The following SUGCT variants were observed in gnomAD, a reference collection of about 807,000 sequenced individuals.
SUGCT encodes the protein succinyl-CoA:glutarate CoA-transferase.
In SUGCT, 41 loss-of-function variants were observed where a neutral mutation model predicts 55.0. The ratio of observed to expected loss-of-function variants is 0.74; its 90% confidence interval spans 0.58 to 0.97. The LOEUF is 0.97. Ranked by LOEUF, SUGCT falls within the 50% of genes least tolerant of loss-of-function variation. The probability of loss-of-function intolerance (pLI) is 0.00; values close to 1 mark genes in which losing one functional copy is unlikely to be tolerated. For synonymous variants in SUGCT, 187 were observed against 200.4 expected (o/e 0.93, Z 0.56); for missense variants, 568 against 547.8 (o/e 1.04, Z -0.37).
At chr7:40,788,012 T>C (rs1790117878) in intron 13 of SUGCT, among the ~76,000 whole-genome samples, 1 of 152,114 alleles carries the variant, frequency 6.6e-6, no homozygotes, top group African/African-American at 2.4e-5. Flanking sequence ...ACTGTTATCT[T>C]CCAGCAGTAA....
At chr7:40,508,283 G>A (rs1792720580) in intron 12 of SUGCT, among the ~76,000 whole-genome samples, 1 of 152,134 alleles carries the variant, frequency 6.6e-6, no homozygotes, top group African/African-American at 2.4e-5. Context: ...CAAGAACCCC[G>A]GTGCCTTGGC....
At chr7:40,553,609 G>A (rs1252672797) in intron 12 of SUGCT, among the ~76,000 whole-genome samples, 2 of 152,004 alleles carry the variant, frequency 1.3e-5, no homozygotes, top group African/African-American at 4.8e-5. Context: ...CCCTCTACAC[G>A]TAGACTGATA....
the SUGCT span, among the ~76,000 whole-genome samples, chr7:40,944,690 G>A: frequency 6.6e-6 from 1 of 152,208 alleles, no homozygotes; most frequent in Admixed American, 6.5e-5. Context: ...ATAGTTTGAA[G>A]TCGGGTAGCG....
the SUGCT span, among the ~76,000 whole-genome samples, chr7:40,922,508 C>G: frequency 6.6e-6 from 1 of 152,282 alleles, no homozygotes. Context: ...GCCAAGGAGA[C>G]AGAGACAGCA....
chr7:40,722,334 C>A (rs141242724), intron 12 of SUGCT, among the ~76,000 whole-genome samples: 1 of 152,140 alleles, frequency 6.6e-6, no homozygotes, highest in Non-Finnish European at 1.5e-5. Context: ...AGTCTCTTGG[C>A]AGAGTCATAT....
chr7:40,754,157 T>G (rs1788145919), intron 13 of SUGCT, among the ~76,000 whole-genome samples: 2 of 152,178 alleles, frequency 1.3e-5, no homozygotes, highest in South Asian at 4.1e-4. Flanking sequence ...ATTAAAGTAC[T>G]CCCTCATCTG....
At chr7:40,292,538 C>T (rs1440093436) in intron 8 of SUGCT, among the ~76,000 whole-genome samples, 1 of 152,102 alleles carries the variant, frequency 6.6e-6, no homozygotes, top group Non-Finnish European at 1.5e-5. Context: ...GATTTCCTTT[C>T]CACCAGACAG....
intron 12 of SUGCT, among the ~76,000 whole-genome samples, chr7:40,575,230 T>C (rs1268267215): frequency 1.3e-5 from 2 of 152,156 alleles, no homozygotes; most frequent in Admixed American, 6.5e-5. Flanking sequence ...TAAAGTGTTA[T>C]ACTTTTTAAA....
intron 12 of SUGCT, among the ~76,000 whole-genome samples, chr7:40,561,720 C>A (rs1795848762): frequency 8.5e-6 from 1 of 117,292 alleles, no homozygotes; most frequent in Non-Finnish European, 1.6e-5. Flanking sequence ...GAGATGGAGT[C>A]TCGTTCTGTT....
At chr7:40,203,542 A>C (rs751544582) in intron 6 of SUGCT, among the ~76,000 whole-genome samples, 4 of 152,174 alleles carry the variant, frequency 2.6e-5, no homozygotes, top group African/African-American at 4.8e-5. Context: ...TGGGAGGCCG[A>C]AGTGGGTAGA....
the SUGCT span, among the ~76,000 whole-genome samples, chr7:41,032,564 C>T: frequency 1.4e-4 from 22 of 152,112 alleles, no homozygotes; most frequent in Non-Finnish European, 2.2e-4. Flanking sequence ...ACCAGAAAGA[C>T]GGAAAGAGCC....
chr7:40,803,966 T>C (rs1455263678), intron 13 of SUGCT, among the ~76,000 whole-genome samples: 2 of 152,196 alleles, frequency 1.3e-5, no homozygotes, highest in African/African-American at 4.8e-5. Flanking sequence ...TCTAGAAAGA[T>C]CAACTTCAAA....
intron 12 of SUGCT, among the ~76,000 whole-genome samples, chr7:40,715,962 C>T (rs1204519087): frequency 6.6e-6 from 1 of 152,212 alleles, no homozygotes; most frequent in Non-Finnish European, 1.5e-5. Context: ...ACTTATCTTT[C>T]TTCCTCACTA....
At chr7:40,472,979 A>G (rs1790476034) in intron 11 of SUGCT, among the ~76,000 whole-genome samples, 1 of 152,188 alleles carries the variant, frequency 6.6e-6, no homozygotes, top group African/African-American at 2.4e-5. Flanking sequence ...TTTCTTCCTT[A>G]CAAATGCATT....
chr7:41,032,804 G>A, the SUGCT span, among the ~76,000 whole-genome samples: 4 of 152,234 alleles, frequency 2.6e-5, no homozygotes, highest in South Asian at 2.1e-4. Context: ...TCACTCTGTC[G>A]CTAGGCTGAA....
intron 13 of SUGCT, among the ~76,000 whole-genome samples, chr7:40,786,251 C>T (rs1458848588): frequency 2.0e-5 from 3 of 152,126 alleles, no homozygotes; most frequent in Non-Finnish European, 4.4e-5. Context: ...ACTGATACCA[C>T]AGTTCAAGAA....
intron 12 of SUGCT, among the ~76,000 whole-genome samples, chr7:40,548,722 T>C (rs1414464786): frequency 6.6e-6 from 1 of 152,144 alleles, no homozygotes; most frequent in African/African-American, 2.4e-5. Context: ...ACTCACTCTT[T>C]GTGTTGTACA....
chr7:40,762,104 T>G (rs530170848), intron 13 of SUGCT, among the ~76,000 whole-genome samples: 2 of 152,248 alleles, frequency 1.3e-5, no homozygotes, highest in African/African-American at 4.8e-5. Flanking sequence ...ATAATGGAAA[T>G]GGATTGAAGG....
intron 6 of SUGCT, among the ~76,000 whole-genome samples, chr7:40,232,407 G>T (rs1175831452): frequency 6.6e-6 from 1 of 152,100 alleles, no homozygotes; most frequent in Admixed American, 6.6e-5. Context: ...GTTAATGAGT[G>T]GGGTTCTAAG....
Sources: gnomAD v4.1 joint callset for allele counts (sites outside exome capture counted in the v4.1 genomes callset) on GRCh38, gnomAD v4.1.1 for gene constraint, MANE v1.5 for transcripts, NCBI Gene and HGNC (gene_info 2026-07-23, HGNC 2026-07-21) for gene names.